The following ITPR2 variants were observed in gnomAD, a reference collection of about 807,000 sequenced individuals.
The protein encoded by ITPR2 is inositol 1,4,5-trisphosphate-gated calcium channel ITPR2.
A neutral mutation model predicts 317.1 loss-of-function variants in ITPR2; 207 were observed. The observed-to-expected ratio is 0.65, with a 90% confidence interval of 0.58 to 0.73. ITPR2 has a LOEUF of 0.73. ITPR2 is among the 30% of genes least tolerant of loss of function. ITPR2 has a pLI of 0.00. For synonymous variants in ITPR2, 1,156 were observed against 1,149.1 expected (o/e 1.01, Z -0.12); for missense variants, 2,613 against 3,284.0 (o/e 0.80, Z 4.99).
chr12:26,465,556 C>G (rs1466107324), intron 45 of ITPR2, among the ~76,000 whole-genome samples: 1 of 152,134 alleles, frequency 6.6e-6, no homozygotes, highest in Non-Finnish European at 1.5e-5. Flanking sequence ...AGCAAATGAT[C>G]AAACGAGGGA....
At chr12:26,707,595 G>T (rs187377573) in intron 9 of ITPR2, among the ~76,000 whole-genome samples, 2 of 152,124 alleles carry the variant, frequency 1.3e-5, no homozygotes, top group Admixed American at 6.5e-5. Flanking sequence ...GCAATGGCAC[G>T]ATCTTGGCTC....
At chr12:26,357,907 C>T (rs79249631) in intron 55 of ITPR2, among the ~76,000 whole-genome samples, 1,926 of 152,296 alleles carry the variant, frequency 0.013, 40 homozygotes, top group African/African-American at 0.044. Context: ...GCGGCTAGCT[C>T]GGGTTGCTGG....
chr12:26,514,629 G>A (rs1210731991), intron 37 of ITPR2, among the ~76,000 whole-genome samples: 1 of 152,126 alleles, frequency 6.6e-6, no homozygotes, highest in African/African-American at 2.4e-5. Flanking sequence ...CCAGTAACTT[G>A]CTACTGTTTG....
intron 45 of ITPR2, among the ~76,000 whole-genome samples, chr12:26,457,558 A>T (rs1295056837): frequency 6.6e-6 from 1 of 152,246 alleles, no homozygotes; most frequent in Non-Finnish European, 1.5e-5. Context: ...GTGGATGAAC[A>T]GAAGCACGAA....
chr12:26,728,233 G>A (rs1040087813), intron 2 of ITPR2, among the ~76,000 whole-genome samples: 9 of 152,276 alleles, frequency 5.9e-5, no homozygotes, highest in East Asian at 3.9e-4. Context: ...GGGGCCCTAC[G>A]GTAGTTTTGG....
intron 9 of ITPR2, among the ~76,000 whole-genome samples, chr12:26,702,882 G>A (rs1948475721): frequency 6.7e-6 from 1 of 148,940 alleles, no homozygotes; most frequent in Non-Finnish European, 1.5e-5. Flanking sequence ...CTAGTTCCTA[G>A]GTGTTTTCCG....
At chr12:26,648,037 G>A (rs768340511) in intron 21 of ITPR2, among the ~76,000 whole-genome samples, 2 of 152,184 alleles carry the variant, frequency 1.3e-5, no homozygotes, top group Non-Finnish European at 2.9e-5. Flanking sequence ...GATCTAGGAT[G>A]AGGACAACTT....
intron 2 of ITPR2, among the ~76,000 whole-genome samples, chr12:26,784,497 C>T (rs1258784086): frequency 6.6e-6 from 1 of 151,382 alleles, no homozygotes; most frequent in African/African-American, 2.4e-5. Flanking sequence ...CACGCCGCCA[C>T]GCCTGACTGG....
chr12:26,695,560 A>T (rs758561382), intron 10 of ITPR2, 46 bp downstream of exon 10: 1 of 1,514,448 alleles, frequency 6.6e-7, no homozygotes, highest in Non-Finnish European at 9.2e-7. Context: ...ATATAAAATA[A>T]TAACAATATG....
At chr12:26,555,793 T>C (rs1376334875) in intron 36 of ITPR2, among the ~76,000 whole-genome samples, 1 of 152,170 alleles carries the variant, frequency 6.6e-6, no homozygotes, top group Admixed American at 6.5e-5. Context: ...CCTCCCAGTC[T>C]CTGGGTGTTT....
chr12:26,605,115 TA>T (rs773381558), intron 26 of ITPR2, among the ~76,000 whole-genome samples: 12,955 of 85,436 alleles, frequency 0.15, 912 homozygotes, highest in Non-Finnish European at 0.19. Context: ...AAATAAAAAA[TA>T]AAAAATAAAA....
chr12:26,487,319 T>TA, intron 39 of ITPR2, 68 bp from the exon 40 acceptor site: 2 of 1,154,354 alleles, frequency 1.7e-6, no homozygotes, highest in Non-Finnish European at 2.4e-6. Context: ...ATGCTTGAAC[T>TA]AAACATAAGC....
chr12:26,597,483 A>T (rs1444080937), intron 30 of ITPR2, among the ~76,000 whole-genome samples: 2 of 152,224 alleles, frequency 1.3e-5, no homozygotes, highest in Non-Finnish European at 2.9e-5. Context: ...GCCAAAGCAC[A>T]AGAAATCTCA....
chr12:26,779,625 A>G (rs1406224278), intron 2 of ITPR2, among the ~76,000 whole-genome samples: 1 of 152,198 alleles, frequency 6.6e-6, no homozygotes, highest in East Asian at 1.9e-4. Context: ...CCTGGTTCGC[A>G]GATAGTTATG....
intron 51 of ITPR2, among the ~76,000 whole-genome samples, chr12:26,413,776 C>A (rs1387720014): frequency 2.6e-5 from 4 of 151,596 alleles, no homozygotes; most frequent in Non-Finnish European, 5.9e-5. Context: ...CTACTGCTGC[C>A]CATTTTGTAA....
At chr12:26,645,051 TA>T (rs981081351) in intron 21 of ITPR2, among the ~76,000 whole-genome samples, 2 of 152,108 alleles carry the variant, frequency 1.3e-5, no homozygotes, top group Non-Finnish European at 2.9e-5. Flanking sequence ...AAGCCTCCAC[TA>T]AACTGCATCA....
At chr12:26,394,866 C>T (rs553747748) in intron 54 of ITPR2, among the ~76,000 whole-genome samples, 1 of 151,926 alleles carries the variant, frequency 6.6e-6, no homozygotes, top group South Asian at 2.1e-4. Context: ...AGCTAGGGCA[C>T]CTGGAAGAGA....
At chr12:26,821,584 T>G (rs976687608) in intron 1 of ITPR2, among the ~76,000 whole-genome samples, 1 of 152,202 alleles carries the variant, frequency 6.6e-6, no homozygotes, top group Non-Finnish European at 1.5e-5. Flanking sequence ...CACAGTAAAT[T>G]TCCTTCTTTC....
chr12:26,770,109 A>T (rs1949813515), intron 2 of ITPR2, among the ~76,000 whole-genome samples: 1 of 152,240 alleles, frequency 6.6e-6, no homozygotes, highest in African/African-American at 2.4e-5. Flanking sequence ...TGTTATAAGG[A>T]TCATCCTTTT....
Sources: gnomAD v4.1 joint callset for allele counts (sites outside exome capture counted in the v4.1 genomes callset) on GRCh38, gnomAD v4.1.1 for gene constraint, MANE v1.5 for transcripts, NCBI Gene and HGNC (gene_info 2026-07-23, HGNC 2026-07-21) for gene names.